Variants in FGD5 observed in about 807,000 individuals in gnomAD.
FGD5 encodes FYVE, RhoGEF and PH domain-containing protein 5.
FGD5 carries 28 observed loss-of-function variants against 133.4 expected under a neutral mutation model. The ratio of observed to expected loss-of-function variants is 0.21; its 90% CI spans 0.16 to 0.29. FGD5 has a LOEUF of 0.29. Among genes scored for constraint, FGD5 ranks in the 10% least tolerant of loss-of-function variants. The pLI, the probability that FGD5 is intolerant of heterozygous loss-of-function variation, is 1.00. For missense variants in FGD5, 1,858 were observed against 1,895.2 expected (o/e 0.98, Z 0.36); for synonymous variants, 810 against 776.5 (o/e 1.04, Z -0.72).
At chr3:14,873,847 G>A (rs999590980) in intron 2 of FGD5, among the ~76,000 whole-genome samples, 8 of 151,226 alleles carry the variant, frequency 5.3e-5, no homozygotes, top group African/African-American at 7.3e-5. Context: ...TCAGCCTTCC[G>A]AGTAGCTGGG....
chr3:14,901,718 A>C (rs556294882), intron 9 of FGD5, among the ~76,000 whole-genome samples: 8 of 152,308 alleles, frequency 5.3e-5, no homozygotes, highest in African/African-American at 1.7e-4. Flanking sequence ...GATGATGGCC[A>C]TGTGTGCCGA....
At chr3:14,852,528 A>T (rs2037184228) in intron 1 of FGD5, among the ~76,000 whole-genome samples, 1 of 152,208 alleles carries the variant, frequency 6.6e-6, no homozygotes, top group South Asian at 2.1e-4. Flanking sequence ...ATATACTAAT[A>T]TACTAAAAAG....
At chr3:14,892,660 A>G (rs1177770028) in intron 4 of FGD5, among the ~76,000 whole-genome samples, 1 of 152,172 alleles carries the variant, frequency 6.6e-6, no homozygotes, top group Non-Finnish European at 1.5e-5. Flanking sequence ...TCTACTAAAA[A>G]TACAAAAATT....
At chr3:14,887,838 T>A (rs1306397724) in intron 4 of FGD5, among the ~76,000 whole-genome samples, 1 of 151,884 alleles carries the variant, frequency 6.6e-6, no homozygotes, top group Non-Finnish European at 1.5e-5. Context: ...GGCAACAGGA[T>A]CAACATTTGC....
chr3:14,832,120 C>T (rs2036722138), intron 1 of FGD5, among the ~76,000 whole-genome samples: 2 of 152,196 alleles, frequency 1.3e-5, no homozygotes, highest in African/African-American at 4.8e-5. Flanking sequence ...CTCACCTGTA[C>T]AAGTGGTGGC....
chr3:14,846,755 C>A (rs1044897989), intron 1 of FGD5, among the ~76,000 whole-genome samples: 2 of 152,230 alleles, frequency 1.3e-5, no homozygotes, highest in Non-Finnish European at 2.9e-5. Context: ...CGCAGGCAGT[C>A]ACTCAGCCCC....
chr3:14,885,569 G>A (rs1360455558), intron 4 of FGD5, among the ~76,000 whole-genome samples: 1 of 152,212 alleles, frequency 6.6e-6, no homozygotes, highest in Non-Finnish European at 1.5e-5. Context: ...AGGTGGTTGA[G>A]GCTGGCTGTT....
At chr3:14,923,235 G>A in intron 16 of FGD5, 60 bp downstream of exon 16, 1 of 1,561,604 alleles carries the variant, frequency 6.4e-7, no homozygotes, top group Non-Finnish European at 8.7e-7. Flanking sequence ...CCAGGCTCCA[G>A]TGGCTTCTCT....
chr3:14,891,223 G>T (rs1027573716), intron 4 of FGD5, among the ~76,000 whole-genome samples: 2 of 152,118 alleles, frequency 1.3e-5, no homozygotes, highest in African/African-American at 4.8e-5. Context: ...CCCCAGGTCG[G>T]CAGGGAAACC....
At chr3:14,858,446 G>C (rs1432986156) in intron 1 of FGD5, among the ~76,000 whole-genome samples, 1 of 152,040 alleles carries the variant, frequency 6.6e-6, no homozygotes, top group African/African-American at 2.4e-5. Context: ...TAGGTAGTTG[G>C]GTTAGAGGGC....
chr3:14,855,529 G>A (rs1279284421), intron 1 of FGD5, among the ~76,000 whole-genome samples: 3 of 152,084 alleles, frequency 2.0e-5, no homozygotes, highest in Admixed American at 6.6e-5. Context: ...GTTATCTTGC[G>A]TCTTTTTGAT....
At chr3:14,924,928 C>T (rs760237015) in intron 17 of FGD5, among the ~76,000 whole-genome samples, 11 of 151,802 alleles carry the variant, frequency 7.2e-5, no homozygotes, top group South Asian at 4.2e-4. Context: ...AGTGAAACCC[C>T]ATCTCTACTA....
intron 4 of FGD5, chr3:14,882,163 C>A: frequency 3.1e-6 from 1 of 324,616 alleles, no homozygotes; most frequent in Non-Finnish European, 4.4e-6. Flanking sequence ...CCTAAAAGAT[C>A]TATTTGGCAA....
Position 14,921,998 on chromosome 3 carries a change from C to T in FGD5, c.3650C>T (p.Ala1217Val). 1 of 1,562,800 alleles carries T rather than the reference C, an allele frequency of 6.4e-7. No individual in the cohort carries two copies. Among genetic ancestry groups the T allele is most frequent in the South Asian group, 1.2e-5 (1 of 84,714 alleles). ...PEDYKAQALA[A>V]FHHSVEIRER... ...GACTACAAGGCCCAGGCGCTGGCTGCATTCCACCATAGCGTGGAGGTGAGT... is the reference window on the plus strand; with the variant it reads ...GACTACAAGGCCCAGGCGCTGGCTGTATTCCACCATAGCGTGGAGGTGAGT... Residue 1217 changes from alanine to valine, a missense_variant, in exon 14 of 20, where the codon GCA becomes GTA. This residue lies in a region of FGD5 where 1,824 missense variants were observed against 1,848.9 expected (regional missense o/e 0.99). Transcript: ENST00000285046.
At chr3:14,891,468 T>C (rs1292004021) in intron 4 of FGD5, among the ~76,000 whole-genome samples, 3 of 152,244 alleles carry the variant, frequency 2.0e-5, no homozygotes, top group African/African-American at 7.2e-5. Context: ...ACACATACCT[T>C]CATCCCAGAG....
At chr3:14,816,768 T>C (rs2036374197), upstream of FGD5, among the ~76,000 whole-genome samples, 1 of 152,238 alleles carries the variant, frequency 6.6e-6, no homozygotes, top group African/African-American at 2.4e-5. Context: ...TCACTATTTC[T>C]AGAAGATTCT....
intron 1 of FGD5, among the ~76,000 whole-genome samples, chr3:14,812,000 T>TGG (rs1351654231): frequency 2.8e-5 from 3 of 108,634 alleles, no homozygotes; most frequent in African/African-American, 1.3e-4. Flanking sequence ...CATATCCTGC[T>TGG]GGTGTGTGTG....
chr3:14,910,846 C>T lies in FGD5; in HGVS notation c.3337-15C>T. On this transcript the variant is annotated splice_polypyrimidine_tract_variant and intron_variant, in intron 10 of 19. Transcript: ENST00000285046. ...GCATCAGCCTGACCGCCAAGTTCTG[C>T]TTCTCTCCCCACAGGAGTTTCTGAA... The T allele has an allele frequency of 6.2e-7, 1 of 1,612,066 alleles. No homozygotes were observed. The highest frequency in any genetic ancestry group is 8.5e-7 in the Non-Finnish European group (1 of 1,179,048).
chr3:14,913,162 A>G lies in FGD5; in HGVS notation c.3405+2233A>G, dbSNP rs572732073. ...TACTTCTGTGACCCTTAGACAACTC[A>G]CAGACATGTGCGAGCCTCAAGTCTC... On this transcript the variant is annotated intron_variant, in intron 11 of 19. Coordinates refer to ENST00000285046, the MANE Select transcript of FGD5 (RefSeq NM_152536.4). Among the ~76,000 whole-genome samples, 9 of 152,230 alleles carry G rather than the reference A, an allele frequency of 5.9e-5. No homozygotes were observed. In the East Asian group the frequency reaches 1.7e-3, roughly 29 times the overall value.
Sources: allele counts gnomAD v4.1 joint callset (sites outside exome capture counted in the v4.1 genomes callset), GRCh38; gene constraint gnomAD v4.1.1; regional missense constraint gnomAD v4.1.1; transcripts MANE v1.5; gene names NCBI Gene and HGNC (gene_info 2026-07-23, HGNC 2026-07-21).